VGLL4: variants seen among roughly 807,000 people sequenced by gnomAD.
The protein encoded by VGLL4 is transcription cofactor vestigial-like protein 4.
VGLL4 carries 7 observed loss-of-function variants against 21.0 expected under a neutral mutation model. The observed-to-expected ratio is 0.33, with a 90% CI of 0.19 to 0.63. The LOEUF (loss-of-function observed/expected upper bound fraction) is 0.63, where lower values mean the gene tolerates loss of function less well. Ranked by LOEUF, VGLL4 falls within the 20% of genes least tolerant of loss-of-function variation. VGLL4 has a pLI of 0.78. For synonymous variants in VGLL4, 222 were observed against 173.2 expected (o/e 1.28, Z -2.21); for missense variants, 394 against 425.7 (o/e 0.93, Z 0.66).
chr3:11,691,221 G>C (rs1427295834), intron 2 of VGLL4, among the ~76,000 whole-genome samples: 3 of 148,748 alleles, frequency 2.0e-5, no homozygotes, highest in African/African-American at 7.5e-5. Context: ...ATTGAGACTA[G>C]AACAAAAAGC....
rs758549640 is a variant in VGLL4 at position 11,557,062 on chromosome 3, C to T, written c.*1494G>A. The T allele has an allele frequency of 2.6e-5, 4 of 152,484 alleles. No individual in the cohort carries two copies. Among genetic ancestry groups the T allele is most frequent in the Admixed American group, 6.5e-5 (1 of 15,270 alleles). 9.4% of individuals were successfully genotyped at this position (152,484 alleles called of 1,614,324 possible). On this transcript the variant is annotated 3_prime_UTR_variant, in exon 5 of 5. Transcript: ENST00000430365. ...CTTGCAGGTGAGGTGACCACGCCCA[C>T]GTCACCTGGTCAGGTGCCATCGTCG...
chr3:11,702,985 G>A, exon 2 of VGLL4: 1 of 1,612,072 alleles, frequency 6.2e-7, no homozygotes, highest in Non-Finnish European at 8.5e-7. Context: ...TTCGTCATCA[G>A]CATGCACCAG....
At chr3:11,676,406 A>AT (rs1559939065) in intron 2 of VGLL4, among the ~76,000 whole-genome samples, 3 of 33,538 alleles carry the variant, frequency 8.9e-5, no homozygotes, top group African/African-American at 2.1e-4. Context: ...AAAAAAAAAA[A>AT]AAAATAAAAT....
At position 11,653,190 on chromosome 3, in the gene VGLL4, C is replaced by G. The variant is rs1472459056; in HGVS notation, c.64+49781G>C. On this transcript the variant is annotated intron_variant, in intron 2 of 5. Coordinates refer to the VGLL4 transcript ENST00000273038. The surrounding 1 kb of genome is among the most constrained non-coding windows in gnomAD (Gnocchi z 4.2). ...TTATGCAGCACGCTAAGCACCTCCA[C>G]AGTCATCCTTCCAACCAGTTAGGGT... Among the ~76,000 whole-genome samples, 1 of 152,206 alleles carries G rather than the reference C, an allele frequency of 6.6e-6. No individual in the cohort carries two copies. Among genetic ancestry groups the G allele is most frequent in the South Asian group, 2.1e-4 (1 of 4,830 alleles).
chr3:11,709,054 C>T (rs763648597), intron 1 of VGLL4, among the ~76,000 whole-genome samples: 4 of 151,650 alleles, frequency 2.6e-5, no homozygotes. Flanking sequence ...GAGTAAGATT[C>T]CATCTCAAAA....
At chr3:11,602,063 G>A (rs1217750673) in intron 1 of VGLL4, 41 bp from the exon 2 acceptor site, 1 of 1,469,966 alleles carries the variant, frequency 6.8e-7, no homozygotes, top group Non-Finnish European at 9.0e-7. Flanking sequence ...GCAGGAGAAA[G>A]GCCCCCATCT....
Position 11,673,081 on chromosome 3 carries a change from A to G in VGLL4, c.64+29890T>C, listed in dbSNP as rs574839526. 3.8e-4 allele frequency among the ~76,000 whole-genome samples: 58 copies of G among 152,294 alleles called. 1 individual carries two copies. In the South Asian group the frequency reaches 5.4e-3, roughly 14 times the overall value. ...ATCACCCAACATTGGGGCTCAGAAT[A>G]TAAGTTTTGCACATCCCCTTTTTTG... On this transcript the variant is annotated intron_variant, in intron 2 of 5. Transcript: ENST00000273038.
chr3:11,677,912 A>AG, intron 2 of VGLL4, among the ~76,000 whole-genome samples: 1 of 150,676 alleles, frequency 6.6e-6, no homozygotes, highest in African/African-American at 2.4e-5. Context: ...CGTCTTTCAA[A>AG]AAAAAAAAAA....
rs139280001 is a variant in VGLL4 at position 11,570,981 on chromosome 3, A to G, written c.273-5962T>C. Among the ~76,000 whole-genome samples, 753 of 152,282 alleles carry G rather than the reference A, an allele frequency of 4.9e-3. 3 individuals carry two copies. The highest frequency in any genetic ancestry group is 8.7e-3 in the Non-Finnish European group (595 of 68,010). ...CAAGCTGCGTCACTCCTCTGTGCCA[A>G]TTTTAGACGGGAAGTGAGGGAAGTG... is the stretch of plus-strand genomic sequence containing the variant. On this transcript the variant is annotated intron_variant, in intron 2 of 4. Coordinates refer to ENST00000430365, the MANE Select transcript of VGLL4 (RefSeq NM_001128219.3).
At chr3:11,683,432 G>A (rs1053862074) in intron 2 of VGLL4, among the ~76,000 whole-genome samples, 4 of 152,088 alleles carry the variant, frequency 2.6e-5, no homozygotes, top group African/African-American at 9.7e-5. Flanking sequence ...CCACTACTGG[G>A]TATCTACCAA....
intron 1 of VGLL4, among the ~76,000 whole-genome samples, chr3:11,609,744 T>C (rs937933631): frequency 6.6e-6 from 1 of 152,200 alleles, no homozygotes; most frequent in Admixed American, 6.5e-5. Context: ...GGGTGTGGGC[T>C]GCATGGGAGG....
At chr3:11,714,965 C>G (rs535700225) in intron 1 of VGLL4, among the ~76,000 whole-genome samples, 105 of 151,940 alleles carry the variant, frequency 6.9e-4, no homozygotes, top group Non-Finnish European at 1.4e-3. Context: ...GAAACCCCGT[C>G]TCTATTAAAA....
intron 2 of VGLL4, among the ~76,000 whole-genome samples, chr3:11,576,288 A>G (rs1199329339): frequency 6.6e-6 from 1 of 152,230 alleles, no homozygotes; most frequent in Non-Finnish European, 1.5e-5. Context: ...TGTGTCCCAC[A>G]TTAGAGTTTT....
At chr3:11,695,758 G>A (rs1364091629) in intron 2 of VGLL4, among the ~76,000 whole-genome samples, 1 of 152,082 alleles carries the variant, frequency 6.6e-6, no homozygotes, top group African/African-American at 2.4e-5. Flanking sequence ...TCTGAGGATC[G>A]CGGATAGCAG....
chr3:11,609,020 T>A (rs1161071185), intron 1 of VGLL4, among the ~76,000 whole-genome samples: 1 of 152,160 alleles, frequency 6.6e-6, no homozygotes, highest in Non-Finnish European at 1.5e-5. Flanking sequence ...CTCGCCACCA[T>A]GCCTGGCTAA....
chr3:11,690,909 G>A (rs900744198), intron 2 of VGLL4, among the ~76,000 whole-genome samples: 1 of 152,020 alleles, frequency 6.6e-6, no homozygotes, highest in Non-Finnish European at 1.5e-5. Flanking sequence ...CCAAGTCAAC[G>A]AGTATTTCAT....
intron 1 of VGLL4, among the ~76,000 whole-genome samples, chr3:11,640,174 C>A (rs1194224083): frequency 6.6e-6 from 1 of 152,110 alleles, no homozygotes; most frequent in African/African-American, 2.4e-5. Context: ...TGAGAGCTTG[C>A]ACTGATTTTT....
intron 2 of VGLL4, among the ~76,000 whole-genome samples, chr3:11,665,122 TTTTTTTTTTG>T: frequency 7.4e-6 from 1 of 135,196 alleles, no homozygotes; most frequent in African/African-American, 2.8e-5. Context: ...TTTTTTTTTT[TTTTTTTTTTG>T]AGACGGAGTC....
chr3:11,606,001 T>C (rs1167427194), intron 1 of VGLL4, among the ~76,000 whole-genome samples: 1 of 152,230 alleles, frequency 6.6e-6, no homozygotes, highest in African/African-American at 2.4e-5. Flanking sequence ...ACGTTGCTGA[T>C]AAAGACATAC....
Sources: gnomAD v4.1 joint callset for allele counts (sites outside exome capture counted in the v4.1 genomes callset) on GRCh38, gnomAD v4.1.1 for gene constraint, Gnocchi (gnomAD v3.1) non-coding constraint, MANE v1.5 for transcripts, NCBI Gene and HGNC (gene_info 2026-07-23, HGNC 2026-07-21) for gene names.